PLEKHB2: variants seen among roughly 807,000 people sequenced by gnomAD.
PLEKHB2 encodes pleckstrin homology domain-containing family B member 2.
PLEKHB2 carries 31 observed loss-of-function variants against 36.5 expected under a neutral mutation model. The observed-to-expected ratio is 0.85, with a 90% confidence interval of 0.64 to 1.15. The LOEUF (loss-of-function observed/expected upper bound fraction) is 1.15, where lower values mean the gene tolerates loss of function less well. Ranked by LOEUF, PLEKHB2 falls within the 50% of genes most tolerant of loss-of-function variation. PLEKHB2 has a pLI of 0.00. For missense variants in PLEKHB2, 262 were observed against 295.3 expected (o/e 0.89, Z 0.83); for synonymous variants, 119 against 112.0 (o/e 1.06, Z -0.39).
chr2:131,113,536 G>A (rs1695546572), intron 1 of PLEKHB2, among the ~76,000 whole-genome samples: 1 of 152,138 alleles, frequency 6.6e-6, no homozygotes, highest in Non-Finnish European at 1.5e-5. Context: ...TTTAAGAGAG[G>A]TACTGAAAAG....
chr2:131,125,888 C>T lies in PLEKHB2; in HGVS notation c.173C>T (p.Thr58Met), dbSNP rs771487921. 40 of 1,613,026 alleles carry T rather than the reference C, an allele frequency of 2.5e-5. No individual in the cohort carries two copies. Among genetic ancestry groups the T allele is most frequent in the Admixed American group, 1.7e-4 (10 of 59,964 alleles). The change falls in exon 3 of 8, where the codon ACG (threonine) becomes ATG (methionine). Residue 58 changes from threonine to methionine, a missense_variant. Thr to Met is a moderately conservative substitution (Grantham distance 81, BLOSUM62 -1). Coordinates refer to ENST00000693505, the MANE Select transcript of PLEKHB2 (RefSeq NM_001100623.2). ...HMPMDCINIRTGQECRDTQPP... is the reference protein window; with the variant it reads ...HMPMDCINIRMGQECRDTQPP... ...CCAATGGACTGCATCAACATCCGCA[C>T]GGGGCAGGAATGTCGGGGTAAGCTG...
At chr2:131,140,711 CTG>C (rs981545877) in intron 7 of PLEKHB2, among the ~76,000 whole-genome samples, 5 of 152,182 alleles carry the variant, frequency 3.3e-5, no homozygotes, top group African/African-American at 1.2e-4. Context: ...GGCTTGGAGT[CTG>C]TTCTTTCTGT....
At chr2:131,120,352 GGCCTGAGCCACCGT>G (rs1413503762) in intron 1 of PLEKHB2, 3 of 153,790 alleles carry the variant, frequency 2.0e-5, no homozygotes, top group Non-Finnish European at 2.9e-5. Context: ...CACCCTCCTC[GGCCTGAGCCACCGT>G]GCCCAGCCGT....
chr2:131,109,967 T>C (rs960735936), intron 1 of PLEKHB2, among the ~76,000 whole-genome samples: 18 of 151,052 alleles, frequency 1.2e-4, no homozygotes, highest in African/African-American at 4.1e-4. Context: ...ACAAAAAAAT[T>C]ACCTGGGTGT....
intron 6 of PLEKHB2, 147 bp from the exon 7 acceptor site, chr2:131,140,020 C>T (rs1335703102): frequency 2.2e-5 from 12 of 555,940 alleles, no homozygotes; most frequent in East Asian, 3.0e-5. Context: ...AATTTTAAAA[C>T]GGGGGGCCTA....
At chr2:131,133,990 C>G (rs1450708828) in intron 6 of PLEKHB2, among the ~76,000 whole-genome samples, 1 of 151,248 alleles carries the variant, frequency 6.6e-6, no homozygotes, top group Non-Finnish European at 1.5e-5. Flanking sequence ...AGCTCCGCCT[C>G]CTGGGTTCTC....
chr2:131,119,500 A>T (rs905438361), intron 1 of PLEKHB2, among the ~76,000 whole-genome samples: 1 of 152,068 alleles, frequency 6.6e-6, no homozygotes, highest in Non-Finnish European at 1.5e-5. Flanking sequence ...GTCGTGGGGC[A>T]TGTTGGCGCG....
At chr2:131,133,032 G>T (rs1187185204) in intron 6 of PLEKHB2, 41 bp downstream of exon 6, 1 of 1,300,354 alleles carries the variant, frequency 7.7e-7, no homozygotes, top group African/African-American at 1.5e-5. Flanking sequence ...GAAGTTTGGG[G>T]TCTCTGCTGC....
At chr2:131,123,039 A>T (rs140064839) in intron 2 of PLEKHB2, among the ~76,000 whole-genome samples, 1 of 152,178 alleles carries the variant, frequency 6.6e-6, no homozygotes, top group Non-Finnish European at 1.5e-5. Flanking sequence ...CAACATAGTG[A>T]TCAGTGACTC....
chr2:131,143,860 A>G (rs903026198), intron 7 of PLEKHB2, among the ~76,000 whole-genome samples: 9 of 152,170 alleles, frequency 5.9e-5, no homozygotes, highest in African/African-American at 2.2e-4. Flanking sequence ...GAGCACAGAT[A>G]TTGCAGACGT....
intron 6 of PLEKHB2, among the ~76,000 whole-genome samples, chr2:131,135,240 G>A (rs1573608155): frequency 6.6e-6 from 1 of 152,006 alleles, no homozygotes; most frequent in East Asian, 1.9e-4. Context: ...CTAATTTTTT[G>A]TATTTTTAGT....
rs754169408 is a variant in PLEKHB2 at position 131,135,042 on chromosome 2, T to C, written c.423+2051T>C. On this transcript the variant is annotated intron_variant, in intron 6 of 7. Transcript: ENST00000693505. ...TGCCAGTATAGAGAAATAGAATTGA[T>C]TTTTGTAGGTTGATCTTGCAGCTTG... Among the ~76,000 whole-genome samples, 3 of 152,158 alleles carry C rather than the reference T, an allele frequency of 2.0e-5. No homozygotes were observed. In the South Asian group the frequency reaches 6.2e-4, roughly 32 times the overall value.
rs1697027426 is a variant in PLEKHB2 at position 131,125,760 on chromosome 2, T to C, written c.45T>C (p.Ile15=). 3 of 1,607,124 alleles carry C rather than the reference T, an allele frequency of 1.9e-6. 1 individual carries two copies. In the Admixed American group the frequency reaches 5.1e-5, roughly 27 times the overall value. Residue 15 remains isoleucine (I), a synonymous_variant, in exon 3 of 8, where the codon ATT becomes ATC. Transcript: ENST00000693505. ...KSGWLLRQST[I]LKRWKKNWFD... ...ACTATTTTTTTTTTCCAGGTACTATTTTGAAGCGCTGGAAGAAGAACTGGT... is the reference window on the plus strand; with the variant it reads ...ACTATTTTTTTTTTCCAGGTACTATCTTGAAGCGCTGGAAGAAGAACTGGT...
chr2:131,117,350 C>G (rs1041729146), intron 1 of PLEKHB2, among the ~76,000 whole-genome samples: 1 of 152,092 alleles, frequency 6.6e-6, no homozygotes, highest in African/African-American at 2.4e-5. Context: ...TTGCTTGAAC[C>G]TGGGAGGTGG....
chr2:131,113,642 C>A (rs1053636786), intron 1 of PLEKHB2, among the ~76,000 whole-genome samples: 4 of 152,138 alleles, frequency 2.6e-5, no homozygotes, highest in South Asian at 2.1e-4. Context: ...TACAGAACAC[C>A]CAGTTGTCAG....
Position 131,146,926 on chromosome 2 carries a change from G to T in PLEKHB2, c.*153G>T, listed in dbSNP as rs1300443011. On this transcript the variant is annotated 3_prime_UTR_variant, in exon 8 of 8. Transcript: ENST00000693505. The stretch of plus-strand genomic sequence containing the variant: ...GTCATAATTGTACTAATCCACATAA[G>T]TACCACAGAGAAGGGTTTGAACTGT... The T allele has an allele frequency of 1.6e-6, 1 of 626,264 alleles. No individual in the cohort carries two copies. The allele number at this position is 626,264 out of a possible 1,614,324, so 38.8% of individuals were successfully genotyped here.
chr2:131,128,984 C>G (rs1421713600), intron 4 of PLEKHB2, among the ~76,000 whole-genome samples: 1 of 146,034 alleles, frequency 6.8e-6, no homozygotes, highest in East Asian at 2.0e-4. Context: ...ATGCCACATA[C>G]AAAATCAGTT....
chr2:131,121,287 CT>C (rs1696485300), intron 2 of PLEKHB2, among the ~76,000 whole-genome samples: 1 of 152,166 alleles, frequency 6.6e-6, no homozygotes, highest in Non-Finnish European at 1.5e-5. Context: ...CAGAGTTTCA[CT>C]CTTGTTGTGG....
At chr2:131,130,096 T>C (rs1375648610) in intron 4 of PLEKHB2, among the ~76,000 whole-genome samples, 2 of 151,852 alleles carry the variant, frequency 1.3e-5, no homozygotes, top group Non-Finnish European at 2.9e-5. Flanking sequence ...CAGGCTAGAG[T>C]GCAGTGGTGT....
Sources: allele counts gnomAD v4.1 joint callset (sites outside exome capture counted in the v4.1 genomes callset), GRCh38; gene constraint gnomAD v4.1.1; transcripts MANE v1.5; gene names NCBI Gene and HGNC (gene_info 2026-07-23, HGNC 2026-07-21).